DPYD: variants seen among roughly 807,000 people sequenced by gnomAD.
DPYD encodes the protein dihydropyrimidine dehydrogenase.
DPYD carries 109 observed loss-of-function variants against 116.2 expected under a neutral mutation model. The observed-to-expected ratio is 0.94, with a 90% CI of 0.80 to 1.10. The LOEUF is 1.10. Ranked by LOEUF, DPYD falls within the 50% of genes least tolerant of loss-of-function variation. The probability of loss-of-function intolerance (pLI) is 0.00; values close to 1 mark genes in which losing one functional copy is unlikely to be tolerated. For missense variants in DPYD, 1,302 were observed against 1,254.5 expected, an observed-to-expected ratio of 1.04 and a Z score of -0.57; for synonymous variants, 440 against 432.0, an observed-to-expected ratio of 1.02 and a Z score of -0.23.
intron 18 of DPYD, among the ~76,000 whole-genome samples, chr1:97,236,775 C>T (rs889748069): frequency 2.6e-5 from 4 of 152,006 alleles, no homozygotes; most frequent in African/African-American, 7.3e-5. Context: ...TGTCAATGCA[C>T]GTTCATGGAT....
intron 14 of DPYD, among the ~76,000 whole-genome samples, chr1:97,383,837 GT>G (rs1672138345): frequency 1.3e-5 from 2 of 152,302 alleles, no homozygotes; most frequent in African/African-American, 4.8e-5. Flanking sequence ...GCTGGGTGCA[GT>G]AGCTCACGCC....
At chr1:97,200,901 C>T (rs887487575) in intron 19 of DPYD, among the ~76,000 whole-genome samples, 1 of 152,032 alleles carries the variant, frequency 6.6e-6, no homozygotes, top group Non-Finnish European at 1.5e-5. Flanking sequence ...TACAGCAGTT[C>T]TAAGAGAAAG....
chr1:97,537,195 CT>C (rs1409495729), intron 12 of DPYD, among the ~76,000 whole-genome samples: 1 of 152,182 alleles, frequency 6.6e-6, no homozygotes, highest in Admixed American at 6.5e-5. Context: ...AACTGTTCAT[CT>C]TTGTCCAGAG....
intron 19 of DPYD, among the ~76,000 whole-genome samples, chr1:97,211,734 T>C (rs1393927898): frequency 1.3e-5 from 2 of 152,164 alleles, no homozygotes; most frequent in African/African-American, 2.4e-5. Context: ...TTGAGAAATA[T>C]AGAAATGCTT....
chr1:97,179,852 G>T (rs1022831540), intron 20 of DPYD, among the ~76,000 whole-genome samples: 2 of 152,052 alleles, frequency 1.3e-5, no homozygotes, highest in Non-Finnish European at 2.9e-5. Context: ...AAATAGAGTG[G>T]ATATTTGATA....
chr1:97,161,271 TGTTGAATGTTTTCA>T (rs1655876863), intron 20 of DPYD, among the ~76,000 whole-genome samples: 1 of 152,176 alleles, frequency 6.6e-6, no homozygotes, highest in African/African-American at 2.4e-5. Context: ...ATACCACTAT[TGTTGAATGTTTTCA>T]TTTTTAATGT....
chr1:97,149,530 A>T (rs955194903), intron 20 of DPYD, among the ~76,000 whole-genome samples: 1 of 152,112 alleles, frequency 6.6e-6, no homozygotes, highest in Non-Finnish European at 1.5e-5. Context: ...TAGGATTACA[A>T]GCCTGACTCA....
At chr1:97,277,373 T>TA (rs548859899) in intron 18 of DPYD, among the ~76,000 whole-genome samples, 3,888 of 142,790 alleles carry the variant, frequency 0.027, 432 homozygotes, top group Admixed American at 0.22. Context: ...GAGTTGAAAT[T>TA]AAAAAAAAAA....
intron 20 of DPYD, 44 bp from the exon 21 acceptor site, chr1:97,098,676 A>G: frequency 6.2e-7 from 1 of 1,608,034 alleles, no homozygotes; most frequent in Non-Finnish European, 8.5e-7. Flanking sequence ...TAGCTCAGAG[A>G]AGAGAAAAAT....
At position 97,509,234 on chromosome 1, in the gene DPYD, G is replaced by A. The variant is rs191644257; in HGVS notation, c.1740+6492C>T. 1.9e-4 allele frequency among the ~76,000 whole-genome samples: 29 copies of A among 152,112 alleles called. 1 individual carries two copies. The highest frequency in any genetic ancestry group is 1.8e-3 in the Admixed American group (27 of 15,244). On this transcript the variant is annotated intron_variant, in intron 13 of 22. Transcript: ENST00000370192. Reference sequence around the variant, plus strand: ...TTGTCTGATATGCAGCAATAGGTACGTGATGCTGAAATAGGTTATGTTTGC... The same window carrying A: ...TTGTCTGATATGCAGCAATAGGTACATGATGCTGAAATAGGTTATGTTTGC...
At chr1:97,207,738 C>T (rs1405367209) in intron 19 of DPYD, among the ~76,000 whole-genome samples, 1 of 152,090 alleles carries the variant, frequency 6.6e-6, no homozygotes, top group Non-Finnish European at 1.5e-5. Context: ...CCCAGAGACG[C>T]TAAGGAAAAG....
intron 18 of DPYD, among the ~76,000 whole-genome samples, chr1:97,285,584 G>C (rs567208736): frequency 1.3e-5 from 2 of 151,892 alleles, no homozygotes; most frequent in Non-Finnish European, 2.9e-5. Context: ...ATCACTCAAA[G>C]TTTAAATCCA....
Position 97,284,132 on chromosome 1 carries a change from A to T in DPYD, c.2299+21127T>A, listed in dbSNP as rs1665506276. Among the ~76,000 whole-genome samples, 3 of 152,146 alleles carry T rather than the reference A, an allele frequency of 2.0e-5. No homozygotes were observed. In the South Asian group the frequency reaches 6.2e-4, roughly 31 times the overall value. On this transcript the variant is annotated intron_variant, in intron 18 of 22. Coordinates refer to ENST00000370192, the MANE Select transcript of DPYD (RefSeq NM_000110.4). ...GAGCATCTCTATTAACAATAATGGT[A>T]TTTTCTAGAATGATACGTCACTTCT...
intron 16 of DPYD, among the ~76,000 whole-genome samples, chr1:97,342,467 T>G (rs973758741): frequency 2.6e-5 from 4 of 152,192 alleles, no homozygotes; most frequent in Non-Finnish European, 5.9e-5. Flanking sequence ...AACATTCTTA[T>G]TACTTCATAC....
chr1:97,383,774 T>C (rs908913749), intron 14 of DPYD, among the ~76,000 whole-genome samples: 2 of 152,136 alleles, frequency 1.3e-5, no homozygotes, highest in African/African-American at 2.4e-5. Flanking sequence ...ACATACTTGA[T>C]ACACGTAAGT....
intron 18 of DPYD, among the ~76,000 whole-genome samples, chr1:97,237,241 C>CAAAAAAAAAAAAAAAA (rs58926889): frequency 1.7e-5 from 1 of 57,696 alleles, no homozygotes; most frequent in African/African-American, 6.8e-5. Context: ...GATTCTGTCT[C>CAAAAAAAAAAAAAAAA]AAAAAAAAAA....
At chr1:97,616,910 G>A (rs183452147) in intron 8 of DPYD, among the ~76,000 whole-genome samples, 4 of 151,644 alleles carry the variant, frequency 2.6e-5, no homozygotes, top group Admixed American at 6.6e-5. Flanking sequence ...TTTTTGAGAC[G>A]GAGTCTCCCT....
intron 3 of DPYD, among the ~76,000 whole-genome samples, chr1:97,788,236 A>G (rs1344465402): frequency 6.6e-6 from 1 of 152,176 alleles, no homozygotes; most frequent in Non-Finnish European, 1.5e-5. Context: ...GTGAGTTCCA[A>G]TGACCTATAA....
intron 12 of DPYD, among the ~76,000 whole-genome samples, chr1:97,521,193 T>C (rs556289185): frequency 2.6e-5 from 4 of 152,262 alleles, no homozygotes; most frequent in Admixed American, 6.5e-5. Context: ...TGGTATCTCA[T>C]TGTGGTTTTG....
Sources: gnomAD v4.1 joint callset for allele counts (sites outside exome capture counted in the v4.1 genomes callset) on GRCh38, gnomAD v4.1.1 for gene constraint, MANE v1.5 for transcripts, NCBI Gene and HGNC (gene_info 2026-07-23, HGNC 2026-07-21) for gene names.